Variants in PTGES3 observed in about 807,000 individuals in gnomAD.
PTGES3 encodes the protein Hsp90 co-chaperone.
Under a neutral mutation model 29.9 loss-of-function variants are expected in PTGES3, and 5 were observed. That is an observed-to-expected ratio of 0.17 (90% confidence interval 0.09 to 0.35). The LOEUF is 0.35. Among genes scored for constraint, PTGES3 ranks in the 10% least tolerant of loss-of-function variants. The pLI is 1.00. For synonymous variants in PTGES3, 49 were observed against 57.8 expected (o/e 0.85, Z 0.69); for missense variants, 128 against 190.0 (o/e 0.67, Z 1.92).
Position 56,688,239 on chromosome 12 carries a change from G to A in PTGES3, c.-240C>T. Reference sequence around the variant, plus strand: ...GAGGAAAGTGTAGGAAAAGGGGCGCGAGGACGGAGAATGAACGTGCGTGCG... The same window carrying A: ...GAGGAAAGTGTAGGAAAAGGGGCGCAAGGACGGAGAATGAACGTGCGTGCG... On this transcript the variant is annotated 5_prime_UTR_variant, in exon 1 of 8. Coordinates refer to ENST00000262033, the MANE Select transcript of PTGES3 (RefSeq NM_006601.7). 3.1e-6 allele frequency: 2 copies of A among 651,056 alleles called. No homozygotes were observed. Among genetic ancestry groups the A allele is most frequent in the Non-Finnish European group, 4.7e-6 (2 of 429,074 alleles). 40.3% of individuals were successfully genotyped at this position (651,056 alleles called of 1,614,324 possible).
intron 1 of PTGES3, among the ~76,000 whole-genome samples, chr12:56,685,991 G>T (rs1253224867): frequency 6.6e-6 from 1 of 151,810 alleles, no homozygotes; most frequent in Non-Finnish European, 1.5e-5. Flanking sequence ...TGGCCAGGCT[G>T]GTCTCTAACT....
In PTGES3 at chr12:56,679,530, A is replaced by G. The variant is rs561271960; in HGVS notation, c.3-6465T>C. Among the ~76,000 whole-genome samples, 7 of 152,096 alleles carry G rather than the reference A, an allele frequency of 4.6e-5. No individual in the cohort carries two copies. The South Asian group carries it at 1.5e-3, about 32-fold the overall frequency. On this transcript the variant is annotated intron_variant, in intron 1 of 7. Transcript: ENST00000262033. ...TGGAAAGTTTTGAATCTATAGGGATATTACTATTAAAATGAATTAACAGTC... is the reference window on the plus strand; with the variant it reads ...TGGAAAGTTTTGAATCTATAGGGATGTTACTATTAAAATGAATTAACAGTC...
chr12:56,687,666 G>C (rs1411054387), intron 1 of PTGES3: 3 of 1,249,232 alleles, frequency 2.4e-6, no homozygotes, highest in Non-Finnish European at 3.0e-6. Flanking sequence ...CACGCTTCAG[G>C]GCGCCGCATG....
intron 5 of PTGES3, among the ~76,000 whole-genome samples, chr12:56,668,854 T>A (rs17118901): frequency 0.074 from 11,228 of 152,182 alleles, 1,011 homozygotes; most frequent in African/African-American, 0.22. Flanking sequence ...GTACTTAGTT[T>A]TATTCTACTA....
intron 1 of PTGES3, among the ~76,000 whole-genome samples, chr12:56,673,750 G>A (rs1240619716): frequency 2.1e-5 from 3 of 142,858 alleles, no homozygotes; most frequent in Admixed American, 7.4e-5. Flanking sequence ...CCGAGATTGC[G>A]CCATTGCACT....
At chr12:56,687,975 C>T (rs1345320020) in intron 1 of PTGES3, 23 bp downstream of exon 1, 9 of 1,601,814 alleles carry the variant, frequency 5.6e-6, no homozygotes, top group Non-Finnish European at 7.7e-6. Flanking sequence ...GGCGACCTTC[C>T]CTCGGCGGGG....
intron 4 of PTGES3, chr12:56,670,731 G>C (rs771841100): frequency 3.3e-5 from 6 of 183,068 alleles, no homozygotes; most frequent in African/African-American, 4.7e-5. Context: ...ACAGGCACAT[G>C]CTACTGGTGC....
intron 4 of PTGES3, 164 bp from the exon 5 acceptor site, chr12:56,670,528 G>T (rs1042286827): frequency 7.2e-5 from 43 of 594,280 alleles, no homozygotes; most frequent in Non-Finnish European, 1.2e-4. Context: ...TGATCAATAT[G>T]TGAGTTTTGA....
At chr12:56,685,429 C>G (rs1299752324) in intron 1 of PTGES3, among the ~76,000 whole-genome samples, 2 of 133,876 alleles carry the variant, frequency 1.5e-5, no homozygotes, top group Non-Finnish European at 3.1e-5. Context: ...TTAAGACAGT[C>G]TCGCTGTGTC....
chr12:56,672,895 A>G (rs1404028306), intron 2 of PTGES3, 57 bp downstream of exon 2: 15 of 1,557,414 alleles, frequency 9.6e-6, no homozygotes, highest in Non-Finnish European at 1.3e-5. Context: ...AGCCAGTCAA[A>G]GTTATTCAGT....
intron 6 of PTGES3, chr12:56,665,505 G>C (rs1209362424): frequency 1.0e-6 from 1 of 975,690 alleles, no homozygotes; most frequent in Non-Finnish European, 1.2e-6. Flanking sequence ...ATCTTGGCCA[G>C]GCTGGCCTGA....
At chr12:56,679,516 G>T (rs945454890) in intron 1 of PTGES3, among the ~76,000 whole-genome samples, 1 of 150,786 alleles carries the variant, frequency 6.6e-6, no homozygotes, top group Non-Finnish European at 1.5e-5. Context: ...GGAAAGTTTT[G>T]AATCTATAGG....
At chr12:56,676,366 T>C (rs1952247749) in intron 1 of PTGES3, among the ~76,000 whole-genome samples, 2 of 152,194 alleles carry the variant, frequency 1.3e-5, no homozygotes, top group Admixed American at 1.3e-4. Context: ...ACCATGTCTC[T>C]GTACTTCCAG....
intron 5 of PTGES3, among the ~76,000 whole-genome samples, chr12:56,669,692 T>A (rs1951927935): frequency 1.3e-5 from 2 of 152,222 alleles, no homozygotes; most frequent in South Asian, 2.1e-4. Flanking sequence ...GCTCACTGCA[T>A]CCTCTGCCTC....
intron 1 of PTGES3, among the ~76,000 whole-genome samples, chr12:56,681,648 G>A (rs12817961): frequency 2.7e-5 from 4 of 150,398 alleles, no homozygotes; most frequent in African/African-American, 9.8e-5. Context: ...AGGAATTTGA[G>A]ACCAGCCTGA....
At chr12:56,686,809 A>C (rs1952885134) in intron 1 of PTGES3, 2 of 398,348 alleles carry the variant, frequency 5.0e-6, no homozygotes, top group Non-Finnish European at 4.4e-6. Context: ...ATCCCTTTAG[A>C]TTTCTAGCCA....
chr12:56,681,745 C>T (rs981965233), intron 1 of PTGES3, among the ~76,000 whole-genome samples: 1 of 151,298 alleles, frequency 6.6e-6, no homozygotes. Flanking sequence ...ATCCCAGGTA[C>T]TCAGGGGGCT....
intron 1 of PTGES3, among the ~76,000 whole-genome samples, chr12:56,677,621 A>G (rs1952318386): frequency 6.6e-6 from 1 of 152,170 alleles, no homozygotes; most frequent in Admixed American, 6.6e-5. Context: ...TCAAACTTTG[A>G]AATGACTTCT....
chr12:56,683,667 C>T (rs1592282580), intron 1 of PTGES3, among the ~76,000 whole-genome samples: 1 of 137,912 alleles, frequency 7.3e-6, no homozygotes, highest in Non-Finnish European at 1.6e-5. Context: ...CAAACAAAAA[C>T]CAAAACTATG....
Sources: gnomAD v4.1 joint callset for allele counts (sites outside exome capture counted in the v4.1 genomes callset) on GRCh38, gnomAD v4.1.1 for gene constraint, MANE v1.5 for transcripts, NCBI Gene and HGNC (gene_info 2026-07-23, HGNC 2026-07-21) for gene names.